Variants in ERC2 observed in about 807,000 individuals in gnomAD.
The protein encoded by ERC2 is ERC protein 2.
ERC2 carries 42 observed loss-of-function variants against 114.8 expected under a neutral mutation model. That is an observed-to-expected ratio of 0.37 (90% confidence interval 0.29 to 0.47). ERC2 has a LOEUF of 0.47. ERC2 is among the 20% of genes least tolerant of loss of function. The pLI is 0.99. For synonymous variants in ERC2, 454 were observed against 425.5 expected, an observed-to-expected ratio of 1.07 and a Z score of -0.82; for missense variants, 939 against 1,150.7, an observed-to-expected ratio of 0.82 and a Z score of 2.66.
intron 17 of ERC2, among the ~76,000 whole-genome samples, chr3:55,555,342 T>C (rs910964725): frequency 7.9e-5 from 12 of 152,254 alleles, no homozygotes; most frequent in Admixed American, 3.3e-4. Flanking sequence ...GAGCTTTAAA[T>C]TGAGAAAGGC....
chr3:55,728,839 C>T (rs984395201), intron 15 of ERC2, among the ~76,000 whole-genome samples: 19 of 152,274 alleles, frequency 1.2e-4, no homozygotes, highest in East Asian at 3.9e-4. Flanking sequence ...CATAAAGTCA[C>T]GGAGGGTATT....
At position 55,520,433 on chromosome 3, in the gene ERC2, CAA is replaced by C. The variant is rs35883947; in HGVS notation, c.*40-9159_*40-9158del. 8.6e-3 allele frequency among the ~76,000 whole-genome samples: 939 copies of C among 109,492 alleles called. 6 individuals carry two copies. Among genetic ancestry groups the C allele is most frequent in the Middle Eastern group, 0.026 (5 of 196 alleles). The allele number at this position is 109,492 out of a possible 152,430, so 71.8% of individuals were successfully genotyped here. ...CCTGGGAGACAGTGAGACTCTGTCT[CAA>C]AAAAAAAAAAAAAAAAATCTAAGAA... is the stretch of plus-strand genomic sequence containing the variant. On this transcript the variant is annotated intron_variant, in intron 17 of 17. Coordinates refer to ENST00000288221, the MANE Select transcript of ERC2 (RefSeq NM_015576.3).
At chr3:56,410,153 G>T (rs1001637761) in intron 2 of ERC2, among the ~76,000 whole-genome samples, 1 of 152,066 alleles carries the variant, frequency 6.6e-6, no homozygotes, top group African/African-American at 2.4e-5. Context: ...AAAAGCGATG[G>T]CTTTCTTAAA....
rs1365168409 is a variant in ERC2, at chr3:55,708,123, C to G, written c.2713-8611G>C. Among the ~76,000 whole-genome samples the G allele has an allele frequency of 2.0e-5, 3 of 152,136 alleles. No individual in the cohort carries two copies. In the East Asian group the frequency reaches 5.8e-4, roughly 29 times the overall value. The stretch of plus-strand genomic sequence containing the variant: ...CAGCTCACTTTTGATTTTAAAATTC[C>G]CTCTGAAAACGATGGAACTCAGACA... On this transcript the variant is annotated intron_variant, in intron 15 of 17. Coordinates refer to ENST00000288221, the MANE Select transcript of ERC2 (RefSeq NM_015576.3).
intron 14 of ERC2, among the ~76,000 whole-genome samples, chr3:55,762,028 C>T (rs2148998182): frequency 6.9e-6 from 1 of 144,768 alleles, no homozygotes; most frequent in Middle Eastern, 3.4e-3. Flanking sequence ...TTCCCTTCAC[C>T]TTCTGCCATA....
intron 3 of ERC2, among the ~76,000 whole-genome samples, chr3:56,273,864 A>G (rs939629991): frequency 6.6e-6 from 1 of 152,216 alleles, no homozygotes; most frequent in African/African-American, 2.4e-5. Flanking sequence ...TATAAAATAT[A>G]TGCAAATCCA....
chr3:55,556,664 A>G lies in ERC2; in HGVS notation c.*40-45388T>C, dbSNP rs532851097. On this transcript the variant is annotated intron_variant, in intron 17 of 17. Coordinates refer to ENST00000288221, the MANE Select transcript of ERC2 (RefSeq NM_015576.3). ...GCTGGCAGCCATTTGCTACCAACAG[A>G]GCCTGAGGAGGTAACCAACACACGC... 2.0e-5 allele frequency among the ~76,000 whole-genome samples: 3 copies of G among 152,310 alleles called. No homozygotes were observed. The South Asian group carries it at 6.2e-4, about 32-fold the overall frequency.
chr3:55,581,340 A>G (rs552185416), intron 17 of ERC2, among the ~76,000 whole-genome samples: 1 of 152,210 alleles, frequency 6.6e-6, no homozygotes, highest in African/African-American at 2.4e-5. Context: ...TGGGGAAAAA[A>G]GGTGAGACAT....
chr3:55,539,248 G>T (rs765530246), intron 17 of ERC2, among the ~76,000 whole-genome samples: 1 of 152,016 alleles, frequency 6.6e-6, no homozygotes, highest in Non-Finnish European at 1.5e-5. Flanking sequence ...GAGATCATCT[G>T]CCCCATGTTC....
intron 17 of ERC2, among the ~76,000 whole-genome samples, chr3:55,558,548 A>G (rs55842540): frequency 0.02 from 3,062 of 152,326 alleles, 102 homozygotes; most frequent in African/African-American, 0.069. Context: ...GGCTGGAGTA[A>G]ATGTGGCCAG....
chr3:56,000,090 T>C (rs1436741031), intron 10 of ERC2, among the ~76,000 whole-genome samples: 2 of 151,882 alleles, frequency 1.3e-5, no homozygotes, highest in African/African-American at 4.8e-5. Context: ...TCATATTCAA[T>C]AAAATAGTAT....
chr3:55,910,787 A>G (rs528798929), intron 13 of ERC2, among the ~76,000 whole-genome samples: 5 of 152,342 alleles, frequency 3.3e-5, no homozygotes, highest in African/African-American at 1.2e-4. Flanking sequence ...ACAGCTAGTG[A>G]GTGGCACAGC....
intron 7 of ERC2, among the ~76,000 whole-genome samples, chr3:56,032,977 GAGAAAGAAAGAAAGAAAGAA>G (rs1553782152): frequency 2.2e-5 from 1 of 45,438 alleles, no homozygotes; most frequent in African/African-American, 6.9e-5. Flanking sequence ...AAGAAAGAAA[GAGAAAGAAAGAAAGAAAGAA>G]AGAAAGAAAG....
rs2053967610 is a variant in ERC2 at position 55,535,876 on chromosome 3, C to T, written c.*40-24600G>A. On this transcript the variant is annotated intron_variant, in intron 17 of 17. Transcript: ENST00000288221. ...GGACATGGTGGCGGGTGCCTGTAAT[C>T]CCAGCTACTCAGGAGGCTGAGACAG... 3.3e-5 allele frequency among the ~76,000 whole-genome samples: 5 copies of T among 152,218 alleles called. 2 individuals carry two copies. The South Asian group carries it at 1.0e-3, about 32-fold the overall frequency.
At chr3:56,141,139 C>G (rs1335489299) in intron 5 of ERC2, among the ~76,000 whole-genome samples, 1 of 152,196 alleles carries the variant, frequency 6.6e-6, no homozygotes, top group Non-Finnish European at 1.5e-5. Context: ...TGTCACTGGT[C>G]TTTTACACTT....
chr3:56,223,386 T>C (rs760854133), intron 3 of ERC2, among the ~76,000 whole-genome samples: 10 of 151,954 alleles, frequency 6.6e-5, no homozygotes, highest in Admixed American at 5.9e-4. Context: ...TGGAAAAATA[T>C]TTTCCCCAAA....
intron 17 of ERC2, among the ~76,000 whole-genome samples, chr3:55,577,428 C>T (rs1246952550): frequency 6.6e-6 from 1 of 152,174 alleles, no homozygotes; most frequent in African/African-American, 2.4e-5. Context: ...ATTTGTGATT[C>T]CCGAGGCACT....
chr3:55,673,624 T>C (rs1041192979), intron 17 of ERC2, among the ~76,000 whole-genome samples: 2 of 151,910 alleles, frequency 1.3e-5, no homozygotes, highest in Admixed American at 1.3e-4. Flanking sequence ...GAGAGGTTTC[T>C]TCGATAACAT....
chr3:56,002,980 G>A (rs935187390), intron 10 of ERC2: 20 of 628,798 alleles, frequency 3.2e-5, no homozygotes, highest in African/African-American at 7.0e-5. Flanking sequence ...TTGACAGAAC[G>A]GAAAGGGGAA....
Sources: allele counts gnomAD v4.1 joint callset (sites outside exome capture counted in the v4.1 genomes callset), GRCh38; gene constraint gnomAD v4.1.1; transcripts MANE v1.5; gene names NCBI Gene and HGNC (gene_info 2026-07-23, HGNC 2026-07-21).